Variants in MTMR3 observed in about 807,000 individuals in gnomAD.
The protein encoded by MTMR3 is phosphatidylinositol-3,5-bisphosphate 3-phosphatase MTMR3.
A neutral mutation model predicts 132.4 loss-of-function variants in MTMR3; 32 were observed. The observed-to-expected ratio is 0.24, with a 90% CI of 0.18 to 0.32. The LOEUF is 0.32. MTMR3 is among the 10% of genes least tolerant of loss of function. The pLI is 1.00. For missense variants in MTMR3, 1,216 were observed against 1,489.6 expected (o/e 0.82, Z 3.02); for synonymous variants, 556 against 550.3 (o/e 1.01, Z -0.14).
Position 29,938,832 on chromosome 22 carries a change from T to A in MTMR3, c.-137-18204T>A, listed in dbSNP as rs180743613. On this transcript the variant is annotated intron_variant, in intron 1 of 19. Coordinates refer to ENST00000401950, the MANE Select transcript of MTMR3 (RefSeq NM_021090.4). ...TTTTCTTTACTTTTATTTTATTATTTTTTTTTTGAGACAGAGTCTCACTCT... is the reference window on the plus strand; with the variant it reads ...TTTTCTTTACTTTTATTTTATTATTATTTTTTTGAGACAGAGTCTCACTCT... 2.3e-3 allele frequency among the ~76,000 whole-genome samples: 357 copies of A among 152,222 alleles called. 3 individuals are homozygous for A. Among genetic ancestry groups the A allele is most frequent in the African/African-American group, 5.7e-3 (236 of 41,556 alleles).
At chr22:29,947,115 G>A (rs1271848513) in intron 1 of MTMR3, among the ~76,000 whole-genome samples, 1 of 152,174 alleles carries the variant, frequency 6.6e-6, no homozygotes, top group Non-Finnish European at 1.5e-5. Flanking sequence ...CTGAACAGTA[G>A]TAGTGCAGAA....
chr22:29,909,454 CTGTAAATT>C (rs1473822835), intron 1 of MTMR3, among the ~76,000 whole-genome samples: 1 of 152,128 alleles, frequency 6.6e-6, no homozygotes, highest in African/African-American at 2.4e-5. Flanking sequence ...AAACTTGCAT[CTGTAAATT>C]ATTTATTAGC....
intron 1 of MTMR3, among the ~76,000 whole-genome samples, chr22:29,907,351 G>A (rs1480092814): frequency 6.6e-6 from 1 of 151,836 alleles, no homozygotes; most frequent in African/African-American, 2.4e-5. Flanking sequence ...GCAGTGAGCC[G>A]AGATAGCACC....
At chr22:29,903,837 A>G (rs2065045958) in intron 1 of MTMR3, among the ~76,000 whole-genome samples, 1 of 152,036 alleles carries the variant, frequency 6.6e-6, no homozygotes, top group African/African-American at 2.4e-5. Flanking sequence ...TATTTAGAAA[A>G]CTGAATATTG....
intron 1 of MTMR3, among the ~76,000 whole-genome samples, chr22:29,931,797 T>A (rs1378532745): frequency 6.6e-6 from 1 of 151,012 alleles, no homozygotes; most frequent in Non-Finnish European, 1.5e-5. Context: ...TTTTTTTTTT[T>A]AAAGCAGATT....
chr22:29,906,330 A>ATCTATCTG (rs1568998530), intron 1 of MTMR3, among the ~76,000 whole-genome samples: 12 of 133,366 alleles, frequency 9.0e-5, no homozygotes, highest in African/African-American at 3.5e-4. Context: ...CTATCTATCT[A>ATCTATCTG]TCTGTCTATC....
At chr22:29,978,258 C>G in intron 3 of MTMR3, 184 bp from the exon 4 acceptor site, 1 of 438,360 alleles carries the variant, frequency 2.3e-6, no homozygotes, top group Middle Eastern at 6.4e-4. Flanking sequence ...TGTTTTCAGA[C>G]TAGATGTAAC....
At chr22:29,977,108 T>C (rs1349740801) in intron 3 of MTMR3, among the ~76,000 whole-genome samples, 1 of 151,926 alleles carries the variant, frequency 6.6e-6, no homozygotes, top group Non-Finnish European at 1.5e-5. Context: ...CTGGACAACA[T>C]AACGAGACCT....
intron 1 of MTMR3, among the ~76,000 whole-genome samples, chr22:29,925,368 T>C (rs2065494817): frequency 6.6e-6 from 1 of 152,166 alleles, no homozygotes; most frequent in Admixed American, 6.5e-5. Flanking sequence ...TTGTGTGTGC[T>C]ATGTTCTGTC....
intron 2 of MTMR3, among the ~76,000 whole-genome samples, chr22:29,958,703 T>C (rs1279988995): frequency 6.6e-6 from 1 of 152,254 alleles, no homozygotes; most frequent in Non-Finnish European, 1.5e-5. Context: ...CTGTATCTCT[T>C]AACATACTCT....
At chr22:29,941,062 C>T (rs1349876619) in intron 1 of MTMR3, among the ~76,000 whole-genome samples, 1 of 150,026 alleles carries the variant, frequency 6.7e-6, no homozygotes, top group Non-Finnish European at 1.5e-5. Context: ...TTATGCACCG[C>T]TTCTAGTTAG....
Position 29,939,967 on chromosome 22 carries a change from A to G in MTMR3, c.-137-17069A>G, listed in dbSNP as rs759420242. Among the ~76,000 whole-genome samples the G allele has an allele frequency of 6.0e-4, 91 of 152,286 alleles. 1 individual carries two copies. The highest frequency in any genetic ancestry group is 1.5e-3 in the Admixed American group (23 of 15,308). Reference sequence around the variant, plus strand: ...ACCCTCCCCGCCCTTGCGATCATGTACTTTGTGATATTTCCCTGCCCTTAA... The same window carrying G: ...ACCCTCCCCGCCCTTGCGATCATGTGCTTTGTGATATTTCCCTGCCCTTAA... On this transcript the variant is annotated intron_variant, in intron 1 of 19. Coordinates refer to ENST00000401950, the MANE Select transcript of MTMR3 (RefSeq NM_021090.4).
chr22:29,889,284 CTTTTT>C (rs71324792), intron 1 of MTMR3, among the ~76,000 whole-genome samples: 1 of 116,410 alleles, frequency 8.6e-6, no homozygotes. Flanking sequence ...AGCTACGGAA[CTTTTT>C]TTTTTTTTTT....
chr22:29,994,680 T>TAGC (rs2067027542), intron 7 of MTMR3: 3 of 152,218 alleles, frequency 2.0e-5, no homozygotes, highest in Non-Finnish European at 2.9e-5. Flanking sequence ...TATGGAGTCT[T>TAGC]CTCTACCTAG....
At chr22:29,907,401 A>T (rs2065124487) in intron 1 of MTMR3, among the ~76,000 whole-genome samples, 1 of 138,238 alleles carries the variant, frequency 7.2e-6, no homozygotes, top group African/African-American at 3.2e-5. Context: ...ACTCTGTCTT[A>T]AAAAAAAAAA....
intron 1 of MTMR3, among the ~76,000 whole-genome samples, chr22:29,904,996 G>A (rs545763329): frequency 1.3e-5 from 2 of 152,306 alleles, no homozygotes; most frequent in Admixed American, 6.5e-5. Flanking sequence ...TTTCTACCAA[G>A]ATTTAAACAT....
At position 29,887,169 on chromosome 22, in the gene MTMR3, G is replaced by C. The variant is rs1268225519; in HGVS notation, c.-138+3810G>C. 5.3e-5 allele frequency among the ~76,000 whole-genome samples: 8 copies of C among 152,084 alleles called. No homozygotes were observed. The East Asian group carries it at 7.7e-4, about 15-fold the overall frequency. ...ACCTTTTAAGTTCATATTTGTATCA[G>C]ATATTAAAAATGAAAATTGTAGCAT... is the stretch of plus-strand genomic sequence containing the variant. On this transcript the variant is annotated intron_variant, in intron 1 of 19. Transcript: ENST00000401950.
At chr22:29,936,628 T>C (rs1203338119) in intron 1 of MTMR3, among the ~76,000 whole-genome samples, 2 of 152,198 alleles carry the variant, frequency 1.3e-5, no homozygotes, top group Non-Finnish European at 2.9e-5. Context: ...ATTTAATAAG[T>C]GTTCAACTTT....
intron 7 of MTMR3, chr22:29,998,313 T>C (rs1487862258): frequency 6.6e-6 from 1 of 152,444 alleles, no homozygotes; most frequent in Non-Finnish European, 1.5e-5. Flanking sequence ...AACTATATAA[T>C]ATATGTTACT....
Sources: allele counts gnomAD v4.1 joint callset (sites outside exome capture counted in the v4.1 genomes callset), GRCh38; gene constraint gnomAD v4.1.1; transcripts MANE v1.5; gene names NCBI Gene and HGNC (gene_info 2026-07-23, HGNC 2026-07-21).